GNS: variants seen among roughly 807,000 people sequenced by gnomAD.
The protein encoded by GNS is glucosamine (N-acetyl)-6-sulfatase, also known as N-acetylglucosamine-6-sulfatase.
GNS carries 40 observed loss-of-function variants against 69.7 expected under a neutral mutation model. That is an observed-to-expected ratio of 0.57 (90% CI 0.45 to 0.75). GNS has a LOEUF of 0.75. Among genes scored for constraint, GNS ranks in the 30% least tolerant of loss-of-function variants. GNS has a pLI of 0.00. For synonymous variants in GNS, 243 were observed against 251.6 expected (o/e 0.97, Z 0.32); for missense variants, 565 against 685.5 (o/e 0.82, Z 1.96).
chr12:64,756,812 T>G (rs1022960921), intron 1 of GNS: 18 of 936,950 alleles, frequency 1.9e-5, no homozygotes, highest in Non-Finnish European at 2.6e-5. Context: ...GTTTGACTTA[T>G]GCCCTCCACT....
chr12:64,728,431 T>C (rs1869279565), intron 10 of GNS, among the ~76,000 whole-genome samples: 2 of 152,258 alleles, frequency 1.3e-5, no homozygotes, highest in African/African-American at 4.8e-5. Context: ...TAAGTTATAC[T>C]GATTACACTT....
intron 13 of GNS, among the ~76,000 whole-genome samples, chr12:64,717,287 G>T (rs1336968496): frequency 6.6e-6 from 1 of 152,102 alleles, no homozygotes; most frequent in Non-Finnish European, 1.5e-5. Context: ...AATAAGGAAA[G>T]AAAAAAATCA....
At chr12:64,745,090 T>C (rs1414353029) in intron 4 of GNS, among the ~76,000 whole-genome samples, 183 bp from the exon 5 acceptor site, 1 of 151,986 alleles carries the variant, frequency 6.6e-6, no homozygotes, top group Non-Finnish European at 1.5e-5. Context: ...GTTTCAATTA[T>C]GCATTCTAGT....
intron 2 of GNS, among the ~76,000 whole-genome samples, chr12:64,748,282 G>GTGA (rs1869958774): frequency 6.6e-6 from 1 of 151,666 alleles, no homozygotes; most frequent in South Asian, 2.1e-4. Flanking sequence ...GCTCACTGCA[G>GTGA]CCTCGACCTC....
chr12:64,723,036 T>G lies in GNS; in HGVS notation c.1278A>C (p.Pro426=), dbSNP rs1285311262. The change falls in exon 11 of 14, where the codon CCA becomes CCC. Residue 426 remains proline, a synonymous_variant. Transcript: ENST00000258145. Reference sequence around the variant, plus strand: ...CGCCAGGACTCAGGGAAGGGCATGTTGGGTCAGTGACGTTACGGCCTTCTC... The same window carrying G: ...CGCCAGGACTCAGGGAAGGGCATGTGGGGTCAGTGACGTTACGGCCTTCTC... ...YQGEGRNVTD[P]TCPSLSPGVS... The G allele has an allele frequency of 1.9e-6, 3 of 1,611,050 alleles. No homozygotes were observed.
chr12:64,745,213 T>G (rs942845102), intron 4 of GNS, among the ~76,000 whole-genome samples: 2 of 137,546 alleles, frequency 1.5e-5, no homozygotes, highest in African/African-American at 5.5e-5. Flanking sequence ...ACTTTTTTTT[T>G]TTTTTTTTTT....
intron 4 of GNS, among the ~76,000 whole-genome samples, chr12:64,745,121 A>G (rs1465688311): frequency 6.6e-6 from 1 of 152,048 alleles, no homozygotes; most frequent in South Asian, 2.1e-4. Context: ...GAAGTAGATC[A>G]GGTAGAAAAG....
chr12:64,730,878 A>G (rs774974450), intron 9 of GNS, among the ~76,000 whole-genome samples: 1 of 152,194 alleles, frequency 6.6e-6, no homozygotes, highest in Non-Finnish European at 1.5e-5. Context: ...ATCTTCAGTG[A>G]TATCTGTAAA....
chr12:64,742,247 C>G (rs778528835), intron 6 of GNS, among the ~76,000 whole-genome samples: 2 of 152,134 alleles, frequency 1.3e-5, no homozygotes, highest in Non-Finnish European at 2.9e-5. Context: ...GTCTCAATCT[C>G]CTGACCTCGT....
At chr12:64,748,806 G>A (rs907119882) in intron 2 of GNS, among the ~76,000 whole-genome samples, 3 of 152,114 alleles carry the variant, frequency 2.0e-5, no homozygotes, top group Admixed American at 2.0e-4. Flanking sequence ...GGACCAGCAG[G>A]GAAGGAATAC....
chr12:64,720,321 ATC>A (rs1868986825), intron 12 of GNS, 139 bp from the exon 13 acceptor site: 1 of 681,918 alleles, frequency 1.5e-6, no homozygotes. Flanking sequence ...GAGACTCTCA[ATC>A]TGTTTTCAAG....
chr12:64,738,616 C>A (rs1247382466), intron 8 of GNS, among the ~76,000 whole-genome samples: 1 of 152,010 alleles, frequency 6.6e-6, no homozygotes, highest in East Asian at 1.9e-4. Flanking sequence ...AGTTCAAGAC[C>A]AGTCTGGCCA....
Position 64,716,647 on chromosome 12 carries a change from G to T in GNS, c.*94C>A. ...AAAGCCAGCCCAGAAACTCTTCCAG[G>T]TGTGGTCTTGAAGACTAGCTACAGA... On this transcript the variant is annotated 3_prime_UTR_variant, in exon 14 of 14. Coordinates refer to ENST00000258145, the MANE Select transcript of GNS (RefSeq NM_002076.4). The T allele has an allele frequency of 1.2e-6, 1 of 860,614 alleles. No homozygotes were observed. Among genetic ancestry groups the T allele is most frequent in the Non-Finnish European group, 2.0e-6 (1 of 505,688 alleles). 53.3% of individuals were successfully genotyped at this position (860,614 alleles called of 1,614,324 possible).
intron 1 of GNS, among the ~76,000 whole-genome samples, chr12:64,754,890 CAA>C (rs202239574): frequency 7.0e-4 from 87 of 124,138 alleles, no homozygotes; most frequent in African/African-American, 2.0e-3. Context: ...AACTTGTCTC[CAA>C]AAAAAAAAAA....
rs898530163 is a variant in GNS, at chr12:64,728,343, C to T, written c.1200+613G>A. Among the ~76,000 whole-genome samples, 27 of 152,358 alleles carry T rather than the reference C, an allele frequency of 1.8e-4. 1 individual carries two copies. The highest frequency in any genetic ancestry group is 1.6e-3 in the Admixed American group (25 of 15,310). ...CAAATGCCACTTTTCACTCACCAGA[C>T]AGGCAAAAGTTAACTTGTCTGACTG... On this transcript the variant is annotated intron_variant, in intron 10 of 13. Coordinates refer to ENST00000258145, the MANE Select transcript of GNS (RefSeq NM_002076.4).
At chr12:64,750,093 C>G (rs962451020) in intron 2 of GNS, among the ~76,000 whole-genome samples, 1 of 152,028 alleles carries the variant, frequency 6.6e-6, no homozygotes, top group African/African-American at 2.4e-5. Flanking sequence ...GTCACCCAGG[C>G]TGGAGTGCAG....
At chr12:64,745,607 T>G (rs1869874794) in intron 4 of GNS, 52 bp downstream of exon 4, 1 of 966,184 alleles carries the variant, frequency 1.0e-6, no homozygotes, top group Non-Finnish European at 1.7e-6. Flanking sequence ...TTAAACATAT[T>G]CTGCATCTGT....
At chr12:64,759,026 C>A (rs936950341) in intron 1 of GNS, 59 bp downstream of exon 1, 2 of 1,369,638 alleles carry the variant, frequency 1.5e-6, no homozygotes, top group African/African-American at 1.4e-5. Flanking sequence ...GGAAAGAGAG[C>A]AACAAACCGG....
At chr12:64,746,290 G>T (rs368977128) in intron 3 of GNS, 1 of 156,302 alleles carries the variant, frequency 6.4e-6, no homozygotes. Context: ...TAGTCCAACT[G>T]ACCCTAAGCA....
Sources: allele counts gnomAD v4.1 joint callset (sites outside exome capture counted in the v4.1 genomes callset), GRCh38; gene constraint gnomAD v4.1.1; transcripts MANE v1.5; gene names NCBI Gene and HGNC (gene_info 2026-07-23, HGNC 2026-07-21).